Variants in SNTB1 observed in about 807,000 individuals in gnomAD.
SNTB1 encodes the protein beta-1-syntrophin.
Under a neutral mutation model 48.9 loss-of-function variants are expected in SNTB1, and 36 were observed. The observed-to-expected ratio is 0.74, with a 90% confidence interval of 0.56 to 0.97. The LOEUF is 0.97. SNTB1 is among the 50% of genes least tolerant of loss of function. The probability of loss-of-function intolerance (pLI) is 0.00; values close to 1 mark genes in which losing one functional copy is unlikely to be tolerated. For synonymous variants in SNTB1, 299 were observed against 294.6 expected (o/e 1.01, Z -0.15); for missense variants, 786 against 703.4 (o/e 1.12, Z -1.33).
At position 120,536,138 on chromosome 8, in the gene SNTB1, A is replaced by G. The variant is rs929042172; in HGVS notation, c.*2739T>C. On this transcript the variant is annotated 3_prime_UTR_variant, in exon 7 of 7. Coordinates refer to ENST00000517992, the MANE Select transcript of SNTB1 (RefSeq NM_021021.4). The stretch of plus-strand genomic sequence containing the variant: ...GTTCAAGTCAGAGAAAGAAAAACCA[A>G]TATCTATATTCCTATTGGCCTTCTT... 1.3e-5 allele frequency: 2 copies of G among 152,224 alleles called. No individual in the cohort carries two copies. The highest frequency in any genetic ancestry group is 4.8e-5 in the African/African-American group (2 of 41,450). The allele number at this position is 152,224 out of a possible 1,614,324, so 9.4% of individuals were successfully genotyped here.
intron 2 of SNTB1, among the ~76,000 whole-genome samples, chr8:120,680,517 C>T (rs1050212041): frequency 6.6e-6 from 1 of 152,146 alleles, no homozygotes; most frequent in African/African-American, 2.4e-5. Flanking sequence ...TTAAGTGTAT[C>T]TGCAGTGCTG....
At chr8:120,578,883 T>C (rs1488685933) in intron 3 of SNTB1, among the ~76,000 whole-genome samples, 2 of 152,086 alleles carry the variant, frequency 1.3e-5, no homozygotes, top group East Asian at 3.9e-4. Flanking sequence ...TAGAACAATA[T>C]GTAAAAGAAT....
chr8:120,760,759 A>G (rs1200866334), intron 1 of SNTB1, among the ~76,000 whole-genome samples: 3 of 152,180 alleles, frequency 2.0e-5, no homozygotes, highest in African/African-American at 7.2e-5. Context: ...TTTATCAGAA[A>G]GAGCCCATCT....
Position 120,785,351 on chromosome 8 carries a change from T to C in SNTB1, c.571+25922A>G, listed in dbSNP as rs146386451. Among the ~76,000 whole-genome samples, 1,221 of 152,306 alleles carry C rather than the reference T, an allele frequency of 8.0e-3. 14 individuals carry two copies. Among genetic ancestry groups the C allele is most frequent in the African/African-American group, 0.028 (1,145 of 41,568 alleles). Reference sequence around the variant, plus strand: ...GTTATGGCCCGGGGCAGTTTTGGGTTCTGAGTACAGGCTGCCTGGAACCCA... The same window carrying C: ...GTTATGGCCCGGGGCAGTTTTGGGTCCTGAGTACAGGCTGCCTGGAACCCA... On this transcript the variant is annotated intron_variant, in intron 1 of 6. Coordinates refer to ENST00000517992, the MANE Select transcript of SNTB1 (RefSeq NM_021021.4).
At chr8:120,548,341 C>A (rs1371347642) in intron 5 of SNTB1, among the ~76,000 whole-genome samples, 1 of 152,124 alleles carries the variant, frequency 6.6e-6, no homozygotes, top group South Asian at 2.1e-4. Context: ...GCCTAAAAGA[C>A]TCACACACCT....
chr8:120,604,238 CTCTG>C (rs1483581414), intron 3 of SNTB1, among the ~76,000 whole-genome samples: 1 of 152,160 alleles, frequency 6.6e-6, no homozygotes, highest in Non-Finnish European at 1.5e-5. Context: ...CCCTTGGCGT[CTCTG>C]TCAGTATAGT....
intron 3 of SNTB1, among the ~76,000 whole-genome samples, chr8:120,596,380 C>A (rs947555481): frequency 6.6e-6 from 1 of 152,074 alleles, no homozygotes; most frequent in African/African-American, 2.4e-5. Context: ...TAAACTGAGA[C>A]CTCCTCTGTT....
chr8:120,632,313 G>A, intron 3 of SNTB1, 131 bp downstream of exon 3: 1 of 867,112 alleles, frequency 1.2e-6, no homozygotes. Flanking sequence ...TAGCCTGCTG[G>A]AGAGGAATGA....
intron 1 of SNTB1, among the ~76,000 whole-genome samples, chr8:120,771,353 A>G (rs1042970740): frequency 5.9e-5 from 9 of 152,250 alleles, no homozygotes; most frequent in African/African-American, 2.2e-4. Context: ...TGAAGAGCAG[A>G]AAAATAATTA....
chr8:120,570,795 G>A (rs1815830379), intron 4 of SNTB1: 1 of 158,542 alleles, frequency 6.3e-6, no homozygotes, highest in South Asian at 1.9e-4. Context: ...TCTTCCCTAA[G>A]TCTGGAATGC....
At chr8:120,787,563 A>C (rs951917097) in intron 1 of SNTB1, among the ~76,000 whole-genome samples, 3 of 152,174 alleles carry the variant, frequency 2.0e-5, no homozygotes, top group Non-Finnish European at 4.4e-5. Flanking sequence ...CTGGAAATGA[A>C]AGACATATTT....
chr8:120,772,828 GAGAAC>G (rs757446570), intron 1 of SNTB1, among the ~76,000 whole-genome samples: 6 of 152,130 alleles, frequency 3.9e-5, no homozygotes, highest in Non-Finnish European at 7.4e-5. Context: ...GGCCCTTGGA[GAGAAC>G]AGAAAGAGAA....
chr8:120,787,282 A>C (rs2130142898), intron 1 of SNTB1, among the ~76,000 whole-genome samples: 1 of 152,256 alleles, frequency 6.6e-6, no homozygotes, highest in South Asian at 2.1e-4. Flanking sequence ...AAAGAAAAAA[A>C]TGAGAAAAAC....
At chr8:120,668,754 A>G (rs956483616) in intron 2 of SNTB1, among the ~76,000 whole-genome samples, 1 of 152,210 alleles carries the variant, frequency 6.6e-6, no homozygotes, top group Non-Finnish European at 1.5e-5. Flanking sequence ...TTTTGCATCA[A>G]GAACAGCTGG....
chr8:120,743,986 C>T (rs1055062669), intron 1 of SNTB1, among the ~76,000 whole-genome samples: 5 of 151,932 alleles, frequency 3.3e-5, no homozygotes, highest in Admixed American at 6.6e-5. Context: ...ATTAGTTAGC[C>T]GGCCATGGTG....
chr8:120,700,846 T>C (rs974325425), intron 1 of SNTB1, among the ~76,000 whole-genome samples: 1 of 152,220 alleles, frequency 6.6e-6, no homozygotes, highest in Non-Finnish European at 1.5e-5. Flanking sequence ...GACTGGTTTC[T>C]AAGGAGCCGG....
intron 3 of SNTB1, among the ~76,000 whole-genome samples, chr8:120,584,662 T>G (rs1196618186): frequency 6.6e-6 from 1 of 152,044 alleles, no homozygotes; most frequent in Admixed American, 6.5e-5. Flanking sequence ...TTAAACTGTG[T>G]TCCCCCAAAT....
chr8:120,794,343 C>T (rs938469040), intron 1 of SNTB1, among the ~76,000 whole-genome samples: 7 of 152,058 alleles, frequency 4.6e-5, no homozygotes, highest in Non-Finnish European at 1.0e-4. Flanking sequence ...CATTAAATTT[C>T]TCAGACCTTC....
chr8:120,744,833 C>T (rs900197454), intron 1 of SNTB1, among the ~76,000 whole-genome samples: 3 of 152,152 alleles, frequency 2.0e-5, no homozygotes, highest in Middle Eastern at 3.2e-3. Flanking sequence ...AATAATAATA[C>T]AATCATATAT....
Sources: allele counts gnomAD v4.1 joint callset (sites outside exome capture counted in the v4.1 genomes callset), GRCh38; gene constraint gnomAD v4.1.1; transcripts MANE v1.5; gene names NCBI Gene and HGNC (gene_info 2026-07-23, HGNC 2026-07-21).